MORC1: variants seen among roughly 807,000 people sequenced by gnomAD.
MORC1 encodes MORC family CW-type zinc finger 1, also known as MORC family CW-type zinc finger protein 1.
Under a neutral mutation model 134.9 loss-of-function variants are expected in MORC1, and 59 were observed. That is an observed-to-expected ratio of 0.44 (90% confidence interval 0.35 to 0.54). The LOEUF is 0.54. Ranked by LOEUF, MORC1 falls within the 20% of genes least tolerant of loss-of-function variation. The pLI is 0.00. For synonymous variants in MORC1, 395 were observed against 391.7 expected, an observed-to-expected ratio of 1.01 and a Z score of -0.10; for missense variants, 947 against 1,134.5, an observed-to-expected ratio of 0.83 and a Z score of 2.37.
Position 109,103,926 on chromosome 3 carries a change from G to T in MORC1, c.155-9C>A. ...CAGTTTTTCATTATCCACTGTAAGA[G>T]AAAGCAGTTATTACTAATAAATATC... On this transcript the variant is annotated splice_polypyrimidine_tract_variant and intron_variant, in intron 3 of 27. Coordinates refer to ENST00000232603, the MANE Select transcript of MORC1 (RefSeq NM_014429.4). 1 of 1,611,432 alleles carries T rather than the reference G, an allele frequency of 6.2e-7. No homozygotes were observed. The highest frequency in any genetic ancestry group is 8.5e-7 in the Non-Finnish European group (1 of 1,177,688).
At chr3:109,090,374 T>G (rs1190495072) in intron 8 of MORC1, among the ~76,000 whole-genome samples, 1 of 151,936 alleles carries the variant, frequency 6.6e-6, no homozygotes, top group East Asian at 1.9e-4. Flanking sequence ...TCCCAGCACT[T>G]TGGGAGGCCG....
intron 20 of MORC1, among the ~76,000 whole-genome samples, chr3:109,002,696 C>T (rs1439598671): frequency 6.6e-6 from 1 of 152,170 alleles, no homozygotes; most frequent in Non-Finnish European, 1.5e-5. Context: ...AACAACTCTG[C>T]TCTCTACTAA....
chr3:109,117,331 C>CAAAAAAAAAAAAAAAA (rs202128565), intron 1 of MORC1, among the ~76,000 whole-genome samples: 7 of 113,638 alleles, frequency 6.2e-5, no homozygotes, highest in Non-Finnish European at 9.0e-5. Context: ...CAAAAGATGT[C>CAAAAAAAAAAAAAAAA]AAAAAAAAAA....
At chr3:109,009,683 G>T (rs1948636963) in intron 17 of MORC1, among the ~76,000 whole-genome samples, 1 of 151,956 alleles carries the variant, frequency 6.6e-6, no homozygotes, top group Admixed American at 6.5e-5. Context: ...GTCCCTATAG[G>T]TGACTTGATG....
At position 109,081,506 on chromosome 3, in the gene MORC1, A is replaced by T. The variant is rs546998121; in HGVS notation, c.690-11749T>A. ...AGTCTCACTCTGTCACCCAAGCTGG[A>T]GTGCAGTGGCACGGTCTTGGCTCAC... On this transcript the variant is annotated intron_variant, in intron 8 of 27. Coordinates refer to ENST00000232603, the MANE Select transcript of MORC1 (RefSeq NM_014429.4). Among the ~76,000 whole-genome samples, 265 of 143,198 alleles carry T rather than the reference A, an allele frequency of 1.9e-3. 3 individuals carry two copies. The highest frequency in any genetic ancestry group is 0.011 in the Middle Eastern group (3 of 262). The allele number at this position is 143,198 out of a possible 152,430, so 93.9% of individuals were successfully genotyped here. A position where few individuals can be genotyped will look rare whatever the true frequency, so the allele number is the denominator to read the frequency against.
At position 108,973,594 on chromosome 3, in the gene MORC1, G is replaced by T. The variant is rs1398791861; in HGVS notation, c.2478-2192C>A. Among the ~76,000 whole-genome samples the T allele has an allele frequency of 6.0e-4, 74 of 123,388 alleles. 1 individual carries two copies. Among genetic ancestry groups the T allele is most frequent in the African/African-American group, 1.2e-3 (40 of 33,924 alleles). 80.9% of individuals were successfully genotyped at this position (123,388 alleles called of 152,430 possible). ...GTTCGTTTTTTGTTTGCTTTGTTTTGGTTTTTTTTTTTTTTTTTCAGACTG... is the reference window on the plus strand; with the variant it reads ...GTTCGTTTTTTGTTTGCTTTGTTTTTGTTTTTTTTTTTTTTTTTCAGACTG... On this transcript the variant is annotated intron_variant, in intron 24 of 27. Transcript: ENST00000232603.
At chr3:109,057,687 A>T (rs1949992770) in intron 12 of MORC1, among the ~76,000 whole-genome samples, 1 of 141,566 alleles carries the variant, frequency 7.1e-6, no homozygotes, top group South Asian at 2.2e-4. Flanking sequence ...TGCCAGTCAA[A>T]CAAAGGATTT....
chr3:109,083,312 G>GAAAA (rs34334582), intron 8 of MORC1, among the ~76,000 whole-genome samples: 4 of 147,012 alleles, frequency 2.7e-5, no homozygotes, highest in African/African-American at 1.0e-4. Context: ...CTAAGGTAAA[G>GAAAA]AAAAAAAAAA....
At chr3:109,068,330 A>G (rs938167588) in intron 9 of MORC1, among the ~76,000 whole-genome samples, 1 of 152,112 alleles carries the variant, frequency 6.6e-6, no homozygotes, top group Non-Finnish European at 1.5e-5. Context: ...ACACTGCACA[A>G]TATGTTGTCT....
Position 109,104,413 on chromosome 3 carries a change from G to A in MORC1, c.155-496C>T, listed in dbSNP as rs185757711. On this transcript the variant is annotated intron_variant, in intron 3 of 27. Transcript: ENST00000232603. Reference sequence around the variant, plus strand: ...CATTTGTGAGTGCATCTTCATGGGAGCAAATACTTACCTCTTCAAGACGCA... The same window carrying A: ...CATTTGTGAGTGCATCTTCATGGGAACAAATACTTACCTCTTCAAGACGCA... Among the ~76,000 whole-genome samples the A allele has an allele frequency of 4.3e-3, 662 of 152,200 alleles. 15 individuals are homozygous for A. Among genetic ancestry groups the A allele is most frequent in the African/African-American group, 0.015 (635 of 41,484 alleles).
In MORC1 at chr3:109,063,690, C is replaced by T. The variant is rs191758025; in HGVS notation, c.816-459G>A. 8.5e-5 allele frequency among the ~76,000 whole-genome samples: 13 copies of T among 152,236 alleles called. No individual in the cohort carries two copies. The East Asian group carries it at 2.3e-3, about 27-fold the overall frequency. On this transcript the variant is annotated intron_variant, in intron 9 of 27. Coordinates refer to ENST00000232603, the MANE Select transcript of MORC1 (RefSeq NM_014429.4). Reference sequence around the variant, plus strand: ...ATGTATCATTTTAAATTACTAAAAGCACATTTTCTGCTTTACTGATAGAGA... The same window carrying T: ...ATGTATCATTTTAAATTACTAAAAGTACATTTTCTGCTTTACTGATAGAGA...
At chr3:109,082,473 A>T (rs1014671061) in intron 8 of MORC1, among the ~76,000 whole-genome samples, 5 of 152,172 alleles carry the variant, frequency 3.3e-5, no homozygotes, top group African/African-American at 1.2e-4. Context: ...AAAAAGCAAT[A>T]TGTGAGCTCT....
intron 26 of MORC1, among the ~76,000 whole-genome samples, chr3:108,968,912 C>T (rs1947292100): frequency 6.6e-6 from 1 of 152,022 alleles, no homozygotes; most frequent in Non-Finnish European, 1.5e-5. Context: ...CAACATTCAT[C>T]CCCTACATCA....
At chr3:109,065,659 C>T (rs889588243) in intron 9 of MORC1, among the ~76,000 whole-genome samples, 1 of 152,126 alleles carries the variant, frequency 6.6e-6, no homozygotes, top group Non-Finnish European at 1.5e-5. Flanking sequence ...CTCAGGTGGA[C>T]CTATGCAATG....
chr3:109,082,381 A>G (rs2107736194), intron 8 of MORC1, among the ~76,000 whole-genome samples: 1 of 152,282 alleles, frequency 6.6e-6, no homozygotes. Context: ...AAAGACATAG[A>G]TGTACATCCA....
intron 13 of MORC1, among the ~76,000 whole-genome samples, chr3:109,055,341 A>G (rs1949932715): frequency 6.6e-6 from 1 of 152,164 alleles, no homozygotes; most frequent in African/African-American, 2.4e-5. Context: ...CTATGAAGGA[A>G]TCACAGAGTT....
chr3:109,023,343 G>A (rs2107586028), intron 17 of MORC1, among the ~76,000 whole-genome samples: 1 of 152,240 alleles, frequency 6.6e-6, no homozygotes, highest in Admixed American at 6.5e-5. Context: ...GACAGCCTGG[G>A]CTGTAGGCCA....
At chr3:108,996,271 T>TGC (rs1553745270) in intron 21 of MORC1, among the ~76,000 whole-genome samples, 24 of 87,492 alleles carry the variant, frequency 2.7e-4, no homozygotes, top group Admixed American at 2.1e-4. Flanking sequence ...CATGTGCGCG[T>TGC]GCGTGCGCGC....
chr3:108,984,382 A>C (rs923214252), intron 23 of MORC1, among the ~76,000 whole-genome samples: 1 of 152,166 alleles, frequency 6.6e-6, no homozygotes, highest in Non-Finnish European at 1.5e-5. Context: ...ACAGAGAAAA[A>C]AAAATCAGTT....
Sources: allele counts gnomAD v4.1 joint callset (sites outside exome capture counted in the v4.1 genomes callset), GRCh38; gene constraint gnomAD v4.1.1; transcripts MANE v1.5; gene names NCBI Gene and HGNC (gene_info 2026-07-23, HGNC 2026-07-21).